Variants in PGBD2 observed in about 807,000 individuals in gnomAD.
PGBD2 encodes piggyBac transposable element derived 2.
A neutral mutation model predicts 8.1 loss-of-function variants in PGBD2; 6 were observed. The ratio of observed to expected loss-of-function variants is 0.74; its 90% CI spans 0.40 to 1.46. The LOEUF (loss-of-function observed/expected upper bound fraction) is 1.46. Ranked by LOEUF, PGBD2 falls within the 40% of genes most tolerant of loss-of-function variation. PGBD2 has a pLI of 0.02. For missense variants in PGBD2, 802 were observed against 739.0 expected (o/e 1.09, Z -0.99); for synonymous variants, 318 against 272.2 (o/e 1.17, Z -1.66).
Position 248,917,744 on chromosome 1 carries a change from C to G in PGBD2, c.1160C>G (p.Pro387Arg), listed in dbSNP as rs1662162347. 3 of 1,613,988 alleles carry G rather than the reference C, an allele frequency of 1.9e-6. No individual in the cohort carries two copies. The highest frequency in any genetic ancestry group is 2.5e-6 in the Non-Finnish European group (3 of 1,180,040). The change falls in exon 3 of 3, where the codon CCC becomes CGC. Residue 387 changes from proline (P) to arginine (R), a missense_variant. Pro to Arg is a moderately radical substitution (Grantham distance 103). Coordinates refer to ENST00000329291, the MANE Select transcript of PGBD2 (RefSeq NM_170725.3). ...YRTERCPLKD[P>R]KELKKMKRGS... The stretch of plus-strand genomic sequence containing the variant: ...ACTGAGCGATGTCCCCTAAAAGACC[C>G]CAAAGAACTGAAAAAAATGAAGAGG...
chr1:248,914,210 G>T (rs889155168), intron 2 of PGBD2, among the ~76,000 whole-genome samples: 3 of 152,196 alleles, frequency 2.0e-5, no homozygotes, highest in African/African-American at 7.2e-5. Flanking sequence ...CCTGGGGTTT[G>T]AACAGTCATG....
upstream of PGBD2, among the ~76,000 whole-genome samples, chr1:248,903,553 A>G (rs1211888786): frequency 6.6e-6 from 1 of 152,156 alleles, no homozygotes; most frequent in Non-Finnish European, 1.5e-5. Context: ...AATCAATTCA[A>G]TTGTCATCGG....
intron 1 of PGBD2, among the ~76,000 whole-genome samples, chr1:248,908,469 G>A (rs1661739466): frequency 2.0e-5 from 3 of 151,622 alleles, no homozygotes; most frequent in Admixed American, 6.6e-5. Flanking sequence ...TTTCTCCCCT[G>A]CCCTACCCCC....
chr1:248,917,974 G>T lies in PGBD2; in HGVS notation c.1390G>T (p.Gly464Cys). 2 of 1,614,154 alleles carry T rather than the reference G, an allele frequency of 1.2e-6. No individual in the cohort carries two copies. The highest frequency in any genetic ancestry group is 8.5e-7 in the Non-Finnish European group (1 of 1,180,028). ...KLYQEKVGGV[G>C]RMDQNIAKYK... ...GTATCAGGAGAAGGTGGGTGGCGTT[G>T]GTAGGATGGATCAGAATATTGCCAA... is the stretch of plus-strand genomic sequence containing the variant. Residue 464 changes from glycine (G) to cysteine (C), a missense_variant, in exon 3 of 3, where the codon GGT (glycine) becomes TGT (cysteine). Coordinates refer to ENST00000329291, the MANE Select transcript of PGBD2 (RefSeq NM_170725.3).
chr1:248,925,415 T>A, the PGBD2 span, among the ~76,000 whole-genome samples: 1 of 152,198 alleles, frequency 6.6e-6, no homozygotes, highest in Non-Finnish European at 1.5e-5. Context: ...GCAAAACCGC[T>A]GACTGTTGAA....
rs1343163145 is a variant in PGBD2 at position 248,908,624 on chromosome 1, A to G, written c.-48+2282A>G. On this transcript the variant is annotated intron_variant, in intron 1 of 2. Transcript: ENST00000329291. ...TTGGGGCCTGCATACTCAGTTGTCC[A>G]TACTGCACCCAGAATAAGCTTGTTA... Among the ~76,000 whole-genome samples the G allele has an allele frequency of 4.6e-5, 7 of 151,024 alleles. 1 individual carries two copies.
At position 248,917,699 on chromosome 1, in the gene PGBD2, G is replaced by C; in HGVS notation, c.1115G>C (p.Gly372Ala). 10 of 1,614,198 alleles carry C rather than the reference G, an allele frequency of 6.2e-6. No individual in the cohort carries two copies. Among genetic ancestry groups the C allele is most frequent in the Non-Finnish European group, 8.5e-6 (10 of 1,180,038 alleles). ...ILRKKGVKAT[G>A]TVREYRTERC... is the part of the protein sequence containing the mutation. ...AGGAAAAAGGGGGTGAAAGCCACAG[G>C]AACTGTTCGTGAGTACAGGACTGAG... The change falls in exon 3 of 3, where the codon GGA becomes GCA. Residue 372 changes from glycine to alanine, a missense_variant. Transcript: ENST00000329291.
chr1:248,874,568 T>A, the PGBD2 span, among the ~76,000 whole-genome samples: 5,887 of 152,242 alleles, frequency 0.039, 378 homozygotes, highest in African/African-American at 0.13. Flanking sequence ...TAGCTCTGGG[T>A]ATGCCAAAAA....
the PGBD2 span, among the ~76,000 whole-genome samples, chr1:248,898,595 G>A: frequency 6.6e-6 from 1 of 152,188 alleles, no homozygotes; most frequent in Non-Finnish European, 1.5e-5. Flanking sequence ...CCTGGCAGGA[G>A]CTCCTGAAGG....
the PGBD2 span, among the ~76,000 whole-genome samples, chr1:248,873,950 C>T: frequency 6.6e-5 from 10 of 152,186 alleles, no homozygotes; most frequent in Non-Finnish European, 1.5e-4. Flanking sequence ...GTTCGAATCC[C>T]ACTTCTGACA....
At chr1:248,911,051 G>A (rs946455827) in intron 1 of PGBD2, among the ~76,000 whole-genome samples, 1 of 151,546 alleles carries the variant, frequency 6.6e-6, no homozygotes, top group Non-Finnish European at 1.5e-5. Context: ...CCCCCATCTC[G>A]AGCACCCACG....
downstream of PGBD2, among the ~76,000 whole-genome samples, chr1:248,922,030 G>T (rs1027040636): frequency 1.3e-5 from 2 of 151,838 alleles, no homozygotes; most frequent in African/African-American, 2.4e-5. Flanking sequence ...GGAGATTTTG[G>T]ACTGAGACAA....
At chr1:248,884,707 C>T in the PGBD2 span, among the ~76,000 whole-genome samples, 1 of 152,174 alleles carries the variant, frequency 6.6e-6, no homozygotes, top group Non-Finnish European at 1.5e-5. Context: ...TATCTTGAAG[C>T]AGGGGCTTAT....
chr1:248,922,256 T>C (rs1377985290), downstream of PGBD2, among the ~76,000 whole-genome samples: 1 of 152,082 alleles, frequency 6.6e-6, no homozygotes, highest in Non-Finnish European at 1.5e-5. Context: ...AGACGGGGTT[T>C]CACCGTGTTA....
downstream of PGBD2, among the ~76,000 whole-genome samples, chr1:248,923,898 C>T (rs537073360): frequency 1.3e-5 from 2 of 152,290 alleles, no homozygotes; most frequent in South Asian, 2.1e-4. Flanking sequence ...TTTCTCTGGA[C>T]CAGCTACCAA....
chr1:248,926,406 T>G, the PGBD2 span, among the ~76,000 whole-genome samples: 2 of 152,358 alleles, frequency 1.3e-5, no homozygotes, highest in Admixed American at 6.5e-5. Flanking sequence ...TGTCTCCTTA[T>G]GGAAAGGTAG....
chr1:248,877,011 A>T, the PGBD2 span, among the ~76,000 whole-genome samples: 5 of 152,174 alleles, frequency 3.3e-5, no homozygotes, highest in East Asian at 9.6e-4. Context: ...AGTACATGTG[A>T]ATATTAATTG....
chr1:248,906,740 G>GCGGGGTGGCTCTGTGC (rs1320731642), intron 1 of PGBD2, among the ~76,000 whole-genome samples: 5 of 151,828 alleles, frequency 3.3e-5, no homozygotes, highest in African/African-American at 1.2e-4. Context: ...ACATCCTGGG[G>GCGGGGTGGCTCTGTGC]CGGGGTGGCT....
chr1:248,912,917 C>T (rs1185002479), intron 1 of PGBD2: 1 of 152,028 alleles, frequency 6.6e-6, no homozygotes, highest in East Asian at 1.9e-4. Context: ...ATTCTCCTGC[C>T]TCAGCCTCCT....
Sources: allele counts gnomAD v4.1 joint callset (sites outside exome capture counted in the v4.1 genomes callset), GRCh38; gene constraint gnomAD v4.1.1; transcripts MANE v1.5; gene names NCBI Gene and HGNC (gene_info 2026-07-23, HGNC 2026-07-21).